The following CNNM2 variants were observed in gnomAD, a reference collection of about 807,000 sequenced individuals.
CNNM2 encodes the protein cyclin and CBS domain divalent metal cation transport mediator 2.
A neutral mutation model predicts 66.9 loss-of-function variants in CNNM2; 12 were observed. The ratio of observed to expected loss-of-function variants is 0.18; its 90% CI spans 0.11 to 0.29. CNNM2 has a LOEUF of 0.29. Among genes scored for constraint, CNNM2 ranks in the 10% least tolerant of loss-of-function variants. The pLI is 1.00. For synonymous variants in CNNM2, 557 were observed against 501.8 expected, an observed-to-expected ratio of 1.11 and a Z score of -1.47; for missense variants, 705 against 1,167.7, an observed-to-expected ratio of 0.60 and a Z score of 5.77.
intron 1 of CNNM2, among the ~76,000 whole-genome samples, chr10:103,005,289 G>T (rs937158602): frequency 6.6e-6 from 1 of 152,018 alleles, no homozygotes; most frequent in Non-Finnish European, 1.5e-5. Context: ...TATATGATTC[G>T]TTGATACTAT....
intron 1 of CNNM2, among the ~76,000 whole-genome samples, chr10:102,920,343 A>G (rs1036685980): frequency 2.6e-5 from 4 of 151,880 alleles, no homozygotes; most frequent in Non-Finnish European, 5.9e-5. Flanking sequence ...ATCAAAAAGC[A>G]GGCTGTGTAA....
At chr10:103,007,114 A>G (rs1475973061) in intron 1 of CNNM2, among the ~76,000 whole-genome samples, 2 of 152,204 alleles carry the variant, frequency 1.3e-5, no homozygotes, top group African/African-American at 4.8e-5. Flanking sequence ...GACATCACAT[A>G]TCGGTAGGAC....
chr10:103,066,618 T>A (rs1041080583), intron 4 of CNNM2, among the ~76,000 whole-genome samples: 10 of 152,240 alleles, frequency 6.6e-5, no homozygotes, highest in Non-Finnish European at 1.2e-4. Flanking sequence ...GCCTCCCTCA[T>A]GCTGTCCCTT....
intron 1 of CNNM2, among the ~76,000 whole-genome samples, chr10:102,965,455 C>T (rs1441119520): frequency 6.6e-6 from 1 of 152,200 alleles, no homozygotes; most frequent in Non-Finnish European, 1.5e-5. Context: ...TCGTTGTGCG[C>T]CTCCTTCCAG....
In CNNM2 at chr10:102,993,130, A is replaced by C. The variant is rs561733641; in HGVS notation, c.1622-56577A>C. 1.0e-3 allele frequency among the ~76,000 whole-genome samples: 155 copies of C among 152,304 alleles called. 1 individual carries two copies. The South Asian group carries it at 0.022, about 21-fold the overall frequency. ...ATACTCAGCACATGTTAATTGAATGACTAGATGATGCATGGTCTCCTTTGA... is the reference window on the plus strand; with the variant it reads ...ATACTCAGCACATGTTAATTGAATGCCTAGATGATGCATGGTCTCCTTTGA... On this transcript the variant is annotated intron_variant, in intron 1 of 7. Coordinates refer to ENST00000369878, the MANE Select transcript of CNNM2 (RefSeq NM_017649.5).
At chr10:103,066,002 G>T (rs560204440) in intron 4 of CNNM2, among the ~76,000 whole-genome samples, 1 of 152,032 alleles carries the variant, frequency 6.6e-6, no homozygotes, top group Non-Finnish European at 1.5e-5. Flanking sequence ...CTCTCCTGCC[G>T]GGGCCACTGT....
intron 1 of CNNM2, among the ~76,000 whole-genome samples, chr10:103,029,865 CAA>C (rs987996373): frequency 2.1e-5 from 2 of 95,110 alleles, no homozygotes; most frequent in African/African-American, 3.9e-5. Context: ...GACTCCGTCT[CAA>C]AAAAAAAAAA....
intron 4 of CNNM2, among the ~76,000 whole-genome samples, chr10:103,062,136 G>A (rs1274246655): frequency 6.6e-6 from 1 of 152,218 alleles, no homozygotes; most frequent in Non-Finnish European, 1.5e-5. Context: ...AAAGTGAGAT[G>A]ATAATATGAG....
At chr10:103,046,818 AGGG>A (rs1052029603) in intron 1 of CNNM2, among the ~76,000 whole-genome samples, 18 of 152,296 alleles carry the variant, frequency 1.2e-4, no homozygotes, top group African/African-American at 4.3e-4. Flanking sequence ...TATTTGGAAA[AGGG>A]AGGAGTATCA....
chr10:102,927,649 C>T (rs746089433), intron 1 of CNNM2: 16 of 429,784 alleles, frequency 3.7e-5, no homozygotes, highest in African/African-American at 1.6e-4. Flanking sequence ...CTTGAATTCC[C>T]AGCTTCTTGG....
intron 4 of CNNM2, among the ~76,000 whole-genome samples, chr10:103,058,524 A>G (rs1416324580): frequency 6.6e-6 from 1 of 152,242 alleles, no homozygotes; most frequent in South Asian, 2.1e-4. Context: ...GCTATATAAG[A>G]AAGCCATGGA....
chr10:103,077,460 C>T lies in CNNM2; in HGVS notation c.*280C>T. On this transcript the variant is annotated 3_prime_UTR_variant, in exon 8 of 8. Transcript: ENST00000369878. ...ATCATGTTTATTTTTTCAGCTCTCC[C>T]TTTTATCATTATTCACACTCCTCTG... 2.3e-6 allele frequency: 1 copy of T among 431,710 alleles called. No individual in the cohort carries two copies. Among genetic ancestry groups the T allele is most frequent in the Non-Finnish European group, 4.2e-6 (1 of 238,834 alleles). 26.7% of individuals were successfully genotyped at this position (431,710 alleles called of 1,614,324 possible).
At chr10:103,043,418 A>T (rs2065076873) in intron 1 of CNNM2, among the ~76,000 whole-genome samples, 1 of 152,338 alleles carries the variant, frequency 6.6e-6, no homozygotes, top group East Asian at 1.9e-4. Context: ...AAACAAGTCC[A>T]TATTTTCATC....
At chr10:103,042,273 G>A (rs761010648) in intron 1 of CNNM2, among the ~76,000 whole-genome samples, 3 of 152,178 alleles carry the variant, frequency 2.0e-5, no homozygotes, top group South Asian at 2.1e-4. Context: ...CATTGCTCCC[G>A]GGCCCACCAT....
chr10:102,965,240 C>T (rs2063444846), intron 1 of CNNM2, among the ~76,000 whole-genome samples: 1 of 152,222 alleles, frequency 6.6e-6, no homozygotes, highest in African/African-American at 2.4e-5. Context: ...CTTCCCTGCT[C>T]TGTCTTGACT....
At chr10:103,008,855 G>A (rs1048581061) in intron 1 of CNNM2, among the ~76,000 whole-genome samples, 3 of 150,076 alleles carry the variant, frequency 2.0e-5, no homozygotes, top group African/African-American at 4.9e-5. Context: ...ACATTCCCAA[G>A]CATTTGTAAA....
chr10:103,031,605 C>T (rs768331799), intron 1 of CNNM2, among the ~76,000 whole-genome samples: 5 of 152,068 alleles, frequency 3.3e-5, no homozygotes, highest in Admixed American at 1.3e-4. Context: ...TCCACTCACC[C>T]GATGTCTTAG....
intron 1 of CNNM2, among the ~76,000 whole-genome samples, chr10:102,936,498 G>A (rs1160516096): frequency 6.9e-6 from 1 of 145,968 alleles, no homozygotes; most frequent in Non-Finnish European, 1.5e-5. Flanking sequence ...AAACAGAAGA[G>A]ACAAAATGAA....
intron 2 of CNNM2, among the ~76,000 whole-genome samples, chr10:103,052,550 A>G (rs968188204): frequency 9.0e-5 from 13 of 143,822 alleles, no homozygotes; most frequent in African/African-American, 1.6e-4. Flanking sequence ...GTCTTGCTCT[A>G]TTGCCCAGGC....
Sources: allele counts gnomAD v4.1 joint callset (sites outside exome capture counted in the v4.1 genomes callset), GRCh38; gene constraint gnomAD v4.1.1; transcripts MANE v1.5; gene names NCBI Gene and HGNC (gene_info 2026-07-23, HGNC 2026-07-21).